The following PRKG1 variants were observed in gnomAD, a reference collection of about 807,000 sequenced individuals.
PRKG1 encodes the protein protein kinase cGMP-dependent 1.
In PRKG1, 35 loss-of-function variants were observed where a neutral mutation model predicts 88.1. The ratio of observed to expected loss-of-function variants is 0.40; its 90% confidence interval spans 0.30 to 0.53. The LOEUF is 0.53. PRKG1 is among the 20% of genes least tolerant of loss of function. The probability of loss-of-function intolerance (pLI) is 0.59; values close to 1 mark genes in which losing one functional copy is unlikely to be tolerated. For missense variants in PRKG1, 540 were observed against 839.8 expected (o/e 0.64, Z 4.41); for synonymous variants, 303 against 292.5 (o/e 1.04, Z -0.37).
At chr10:52,128,720 A>C (rs2132625390) in intron 7 of PRKG1, among the ~76,000 whole-genome samples, 1 of 152,334 alleles carries the variant, frequency 6.6e-6, no homozygotes, top group South Asian at 2.1e-4. Flanking sequence ...TTTTGTAAAA[A>C]TACCTGTTAA....
At chr10:51,000,992 G>A (rs1206460597) in intron 1 of PRKG1, among the ~76,000 whole-genome samples, 1 of 152,216 alleles carries the variant, frequency 6.6e-6, no homozygotes, top group Admixed American at 6.5e-5. Context: ...TTGCTGTGGG[G>A]ACATAGAGTT....
At chr10:51,313,238 A>T (rs1249385696) in intron 2 of PRKG1, among the ~76,000 whole-genome samples, 1 of 152,078 alleles carries the variant, frequency 6.6e-6, no homozygotes, top group African/African-American at 2.4e-5. Context: ...ATAACCTGAA[A>T]ATCTGTGTCA....
intron 2 of PRKG1, among the ~76,000 whole-genome samples, chr10:51,182,091 G>A (rs1203714204): frequency 1.3e-5 from 2 of 152,026 alleles, no homozygotes; most frequent in Non-Finnish European, 2.9e-5. Flanking sequence ...CTTTTTAATT[G>A]GATAAACAAC....
intron 2 of PRKG1, among the ~76,000 whole-genome samples, chr10:51,162,324 C>G (rs1485210936): frequency 6.6e-6 from 1 of 151,996 alleles, no homozygotes; most frequent in Non-Finnish European, 1.5e-5. Flanking sequence ...GAAACACAGG[C>G]TGTAATTGCA....
intron 1 of PRKG1, among the ~76,000 whole-genome samples, chr10:51,097,411 C>T (rs368727366): frequency 9.2e-5 from 14 of 152,136 alleles, no homozygotes; most frequent in East Asian, 3.9e-4. Context: ...GTAGTAGAGA[C>T]GGGGTTTTGC....
intron 3 of PRKG1, among the ~76,000 whole-genome samples, chr10:51,652,684 G>A (rs1840068960): frequency 6.6e-6 from 1 of 152,012 alleles, no homozygotes; most frequent in Non-Finnish European, 1.5e-5. Flanking sequence ...ATACATTGTG[G>A]AGTGATTAAA....
chr10:51,161,103 T>G (rs1331914281), intron 2 of PRKG1, among the ~76,000 whole-genome samples: 2 of 152,208 alleles, frequency 1.3e-5, no homozygotes, highest in Non-Finnish European at 1.5e-5. Context: ...ACAGTAAATA[T>G]GCTTTTGAAA....
chr10:51,661,077 T>A (rs1388094297), intron 3 of PRKG1, among the ~76,000 whole-genome samples: 3 of 152,042 alleles, frequency 2.0e-5, no homozygotes, highest in African/African-American at 7.2e-5. Context: ...CTTGGTTGAT[T>A]TAGCAAACTG....
chr10:51,658,868 G>T (rs1840226370), intron 3 of PRKG1, among the ~76,000 whole-genome samples: 1 of 151,872 alleles, frequency 6.6e-6, no homozygotes, highest in African/African-American at 2.4e-5. Context: ...AACCTGTCTA[G>T]ATATAAAATA....
intron 1 of PRKG1, among the ~76,000 whole-genome samples, chr10:51,151,680 ACTC>A (rs1243834287): frequency 1.3e-5 from 2 of 151,584 alleles, no homozygotes; most frequent in Admixed American, 1.3e-4. Flanking sequence ...TGCCATTAAC[ACTC>A]CTCATAAACA....
intron 5 of PRKG1, among the ~76,000 whole-genome samples, chr10:51,927,553 C>T (rs1050491978): frequency 1.3e-5 from 2 of 150,308 alleles, no homozygotes; most frequent in Admixed American, 1.3e-4. Context: ...TTGGCAGCAG[C>T]AATCAAACAT....
chr10:52,133,549 T>C (rs1837322040), intron 7 of PRKG1, among the ~76,000 whole-genome samples: 2 of 152,118 alleles, frequency 1.3e-5, no homozygotes, highest in South Asian at 4.1e-4. Context: ...ATCCAACTAT[T>C]TTATTAATTT....
intron 2 of PRKG1, among the ~76,000 whole-genome samples, chr10:51,445,921 C>T (rs1010343935): frequency 6.6e-6 from 1 of 151,848 alleles, no homozygotes; most frequent in African/African-American, 2.4e-5. Flanking sequence ...CTAAACCCTG[C>T]TCAAACATTC....
At chr10:51,444,105 A>G (rs1339386974) in intron 2 of PRKG1, among the ~76,000 whole-genome samples, 1 of 151,470 alleles carries the variant, frequency 6.6e-6, no homozygotes, top group Non-Finnish European at 1.5e-5. Context: ...AGAGTACAGG[A>G]AAAAAAATAT....
intron 3 of PRKG1, among the ~76,000 whole-genome samples, chr10:51,748,896 A>G (rs1326970237): frequency 2.0e-5 from 3 of 152,250 alleles, no homozygotes; most frequent in African/African-American, 7.2e-5. Context: ...TCGTAAGTTT[A>G]TAGTTCACTA....
intron 9 of PRKG1, among the ~76,000 whole-genome samples, chr10:52,196,745 T>G (rs1455520017): frequency 6.6e-6 from 1 of 152,118 alleles, no homozygotes; most frequent in African/African-American, 2.4e-5. Flanking sequence ...TAGAAGTAGA[T>G]AATAATTATA....
At chr10:51,660,113 G>A (rs1356313127) in intron 3 of PRKG1, among the ~76,000 whole-genome samples, 1 of 135,204 alleles carries the variant, frequency 7.4e-6, no homozygotes, top group Non-Finnish European at 1.6e-5. Flanking sequence ...TCTCAAAGAA[G>A]GCCTAGGGAA....
chr10:52,113,060 A>G (rs1195450562), intron 7 of PRKG1, among the ~76,000 whole-genome samples: 1 of 152,142 alleles, frequency 6.6e-6, no homozygotes, highest in Non-Finnish European at 1.5e-5. Flanking sequence ...TTTATCTGTC[A>G]AAGTGAGAAA....
At chr10:51,512,423 C>T (rs1841445240) in intron 3 of PRKG1, among the ~76,000 whole-genome samples, 1 of 141,120 alleles carries the variant, frequency 7.1e-6, no homozygotes, top group Non-Finnish European at 1.5e-5. Context: ...CAATTTCCAC[C>T]TATGAGTGAG....
Sources: gnomAD v4.1 joint callset for allele counts (sites outside exome capture counted in the v4.1 genomes callset) on GRCh38, gnomAD v4.1.1 for gene constraint, MANE v1.5 for transcripts, NCBI Gene and HGNC (gene_info 2026-07-23, HGNC 2026-07-21) for gene names.